ZC3H12B: variants seen among roughly 807,000 people sequenced by gnomAD.
The protein encoded by ZC3H12B is zinc finger CCCH-type containing 12B, also known as probable ribonuclease ZC3H12B.
Under a neutral mutation model 43.9 loss-of-function variants are expected in ZC3H12B, and 7 were observed. The observed-to-expected ratio is 0.16, with a 90% confidence interval of 0.09 to 0.30. The LOEUF is 0.30. Ranked by LOEUF, ZC3H12B falls within the 10% of genes least tolerant of loss-of-function variation. ZC3H12B has a pLI of 1.00. For missense variants in ZC3H12B, 475 were observed against 670.2 expected (o/e 0.71, Z 3.22); for synonymous variants, 222 against 241.7 (o/e 0.92, Z 0.76).
At chrX:65,483,955 G>A (rs1020144552), upstream of ZC3H12B, among the ~76,000 whole-genome samples, 1 of 111,638 alleles carries the variant, frequency 9.0e-6, no homozygotes, top group African/African-American at 3.3e-5. Context: ...TGGCTACATA[G>A]TATTCCATGG....
the ZC3H12B span, among the ~76,000 whole-genome samples, chrX:65,244,166 T>C: frequency 3.6e-5 from 4 of 111,482 alleles, no homozygotes; most frequent in Admixed American, 3.8e-4. Flanking sequence ...TTTAAGATGA[T>C]AGCTATCCCA....
intron 2 of ZC3H12B, among the ~76,000 whole-genome samples, chrX:65,393,634 A>G (rs1219125711): frequency 8.9e-6 from 1 of 112,293 alleles, no homozygotes; most frequent in Non-Finnish European, 1.9e-5. Context: ...TTCATGGTGT[A>G]TAAGTACAAC....
At chrX:65,331,892 A>T in the ZC3H12B span, among the ~76,000 whole-genome samples, 1 of 111,419 alleles carries the variant, frequency 9.0e-6, no homozygotes, top group East Asian at 2.8e-4. Context: ...CATTATCATT[A>T]GTGTATAATG....
chrX:65,374,838 G>A (rs2066322681), intron 2 of ZC3H12B, among the ~76,000 whole-genome samples: 1 of 110,940 alleles, frequency 9.0e-6, no homozygotes, highest in African/African-American at 3.3e-5. Flanking sequence ...AGGGGGAAAA[G>A]CCCCTTATAA....
chrX:65,325,435 G>A, the ZC3H12B span, among the ~76,000 whole-genome samples: 1 of 111,184 alleles, frequency 9.0e-6, no homozygotes, highest in Non-Finnish European at 1.9e-5. Flanking sequence ...AAAATCAATA[G>A]ATTTTCTTTA....
the ZC3H12B span, among the ~76,000 whole-genome samples, chrX:65,227,137 G>A: frequency 1.8e-5 from 2 of 111,304 alleles, no homozygotes; most frequent in East Asian, 5.6e-4. Flanking sequence ...TGGAAGTAAA[G>A]CTCTCCTCAG....
chrX:65,396,007 T>C (rs2066692102), intron 2 of ZC3H12B, among the ~76,000 whole-genome samples: 1 of 111,913 alleles, frequency 8.9e-6, no homozygotes, highest in Non-Finnish European at 1.9e-5. Flanking sequence ...GATGGTAGGT[T>C]GTATTTCTGT....
the ZC3H12B span, among the ~76,000 whole-genome samples, chrX:65,320,191 T>C: frequency 9.0e-6 from 1 of 111,218 alleles, no homozygotes; most frequent in Admixed American, 9.6e-5. Context: ...ATAAACAATA[T>C]CAGAAAAGTC....
At chrX:65,257,622 A>T in the ZC3H12B span, among the ~76,000 whole-genome samples, 1 of 109,484 alleles carries the variant, frequency 9.1e-6, no homozygotes, top group Non-Finnish European at 1.9e-5. Context: ...GAGAACCTTT[A>T]AAAAAAAATA....
chrX:65,350,763 G>C, the ZC3H12B span, among the ~76,000 whole-genome samples: 3 of 111,485 alleles, frequency 2.7e-5, no homozygotes, highest in Non-Finnish European at 3.8e-5. Flanking sequence ...AACTTACAAG[G>C]GATGTGAAGG....
chrX:65,288,528 C>T, the ZC3H12B span, among the ~76,000 whole-genome samples: 1 of 112,326 alleles, frequency 8.9e-6, no homozygotes, highest in Non-Finnish European at 1.9e-5. Flanking sequence ...TGTGATACGT[C>T]ACATGACAGA....
At chrX:65,235,820 G>A in the ZC3H12B span, among the ~76,000 whole-genome samples, 253 of 112,059 alleles carry the variant, frequency 2.3e-3, 4 homozygotes, top group Middle Eastern at 0.042. Context: ...AGCTCAGCAA[G>A]TGGTACCGTG....
At chrX:65,169,346 T>G in the ZC3H12B span, among the ~76,000 whole-genome samples, 94 of 112,001 alleles carry the variant, frequency 8.4e-4, no homozygotes, top group Middle Eastern at 4.6e-3. Flanking sequence ...GAGCAGTTTT[T>G]AGTGAGTTTC....
At chrX:65,357,283 C>A in the ZC3H12B span, 3 of 304,417 alleles carry the variant, frequency 9.9e-6, no homozygotes, top group Non-Finnish European at 1.8e-5. Flanking sequence ...TGTTCAATCA[C>A]TATAAGAGTG....
At chrX:65,220,042 G>T in the ZC3H12B span, among the ~76,000 whole-genome samples, 1 of 111,198 alleles carries the variant, frequency 9.0e-6, no homozygotes, top group Non-Finnish European at 1.9e-5. Context: ...AGGGATAGGG[G>T]TCCGATCTTT....
the ZC3H12B span, among the ~76,000 whole-genome samples, chrX:65,342,024 C>G: frequency 9.0e-6 from 1 of 110,834 alleles, no homozygotes; most frequent in Non-Finnish European, 1.9e-5. Context: ...AGACCAGTCT[C>G]ACATGGAATG....
intron 2 of ZC3H12B, among the ~76,000 whole-genome samples, chrX:65,374,281 TA>T (rs1377071326): frequency 2.1e-4 from 19 of 91,862 alleles, no homozygotes; most frequent in African/African-American, 7.3e-4. Flanking sequence ...TATATATATA[TA>T]TATATATATG....
At chrX:65,445,794 G>A (rs937985464) in intron 3 of ZC3H12B, among the ~76,000 whole-genome samples, 2 of 112,393 alleles carry the variant, frequency 1.8e-5, no homozygotes, top group Admixed American at 9.4e-5. Flanking sequence ...TGGGAGCTGG[G>A]GCTAGGAGTC....
At chrX:65,177,632 G>C in the ZC3H12B span, among the ~76,000 whole-genome samples, 3 of 110,995 alleles carry the variant, frequency 2.7e-5, no homozygotes, top group Non-Finnish European at 5.7e-5. Context: ...CTATACACCA[G>C]TAATAGACAA....
Sources: allele counts gnomAD v4.1 joint callset (sites outside exome capture counted in the v4.1 genomes callset), GRCh38; gene constraint gnomAD v4.1.1; transcripts MANE v1.5; gene names NCBI Gene and HGNC (gene_info 2026-07-23, HGNC 2026-07-21).